The following GALNT11 variants were observed in gnomAD, a reference collection of about 807,000 sequenced individuals.
GALNT11 encodes polypeptide N-acetylgalactosaminyltransferase 11, also known as UDP-GalNAc:polypeptide N-acetylgalactosaminyltransferase 11.
Under a neutral mutation model 72.7 loss-of-function variants are expected in GALNT11, and 47 were observed. That is an observed-to-expected ratio of 0.65 (90% confidence interval 0.51 to 0.82). GALNT11 has a LOEUF of 0.82. Ranked by LOEUF, GALNT11 falls within the 40% of genes least tolerant of loss-of-function variation. The probability of loss-of-function intolerance (pLI) is 0.00; values close to 1 mark genes in which losing one functional copy is unlikely to be tolerated. For missense variants in GALNT11, 677 were observed against 778.4 expected (o/e 0.87, Z 1.55); for synonymous variants, 270 against 286.6 (o/e 0.94, Z 0.58).
intron 1 of GALNT11, among the ~76,000 whole-genome samples, chr7:152,087,701 AAAAC>A (rs1587267250): frequency 6.6e-6 from 1 of 152,268 alleles, no homozygotes; most frequent in Non-Finnish European, 1.5e-5. Context: ...ATTAAACAAG[AAAAC>A]AAACAGCAAA....
chr7:152,098,178 A>G (rs1482361001), intron 2 of GALNT11, among the ~76,000 whole-genome samples: 1 of 152,154 alleles, frequency 6.6e-6, no homozygotes, highest in African/African-American at 2.4e-5. Context: ...TTGGCCAGGC[A>G]TGGTGGCTCA....
intron 1 of GALNT11, among the ~76,000 whole-genome samples, chr7:152,031,562 C>T (rs2082305590): frequency 1.3e-5 from 2 of 152,192 alleles, no homozygotes; most frequent in Admixed American, 1.3e-4. Context: ...TAGCCTCTGA[C>T]ACTAGGATGG....
chr7:152,108,330 C>G (rs779214269), intron 6 of GALNT11, 43 bp downstream of exon 6: 1 of 1,568,118 alleles, frequency 6.4e-7, no homozygotes, highest in East Asian at 2.3e-5. Flanking sequence ...CCAGTGCTTC[C>G]TTAAAAGAGA....
intron 1 of GALNT11, among the ~76,000 whole-genome samples, chr7:152,062,961 A>G (rs977021447): frequency 2.6e-5 from 4 of 152,314 alleles, no homozygotes; most frequent in Middle Eastern, 3.4e-3. Context: ...CTTTGGTATC[A>G]GGATGATGCT....
intron 1 of GALNT11, among the ~76,000 whole-genome samples, chr7:152,067,015 A>G (rs1413948418): frequency 6.6e-6 from 1 of 152,186 alleles, no homozygotes; most frequent in Non-Finnish European, 1.5e-5. Context: ...CAACCCTTCA[A>G]TTTGTAAAAC....
intron 1 of GALNT11, among the ~76,000 whole-genome samples, chr7:152,092,977 C>A (rs891678983): frequency 3.3e-5 from 5 of 152,102 alleles, no homozygotes; most frequent in African/African-American, 1.2e-4. Flanking sequence ...GCCTGTAATC[C>A]CAGCACTTTG....
At chr7:152,041,834 G>A (rs34193735) in intron 1 of GALNT11, among the ~76,000 whole-genome samples, 20 of 152,272 alleles carry the variant, frequency 1.3e-4, no homozygotes, top group East Asian at 3.9e-4. Flanking sequence ...TGATCCCTAC[G>A]TATGGCTACT....
At chr7:152,070,438 T>G (rs2084569459) in intron 1 of GALNT11, among the ~76,000 whole-genome samples, 1 of 152,178 alleles carries the variant, frequency 6.6e-6, no homozygotes, top group African/African-American at 2.4e-5. Flanking sequence ...GGGACTAAAC[T>G]CAAGGTGTTG....
chr7:152,091,569 G>T (rs2086043340), intron 1 of GALNT11, among the ~76,000 whole-genome samples: 1 of 152,038 alleles, frequency 6.6e-6, no homozygotes, highest in African/African-American at 2.4e-5. Flanking sequence ...GTAGAGACGG[G>T]GTTTCACCAT....
At chr7:152,032,270 A>G (rs980782140) in intron 1 of GALNT11, among the ~76,000 whole-genome samples, 1 of 152,086 alleles carries the variant, frequency 6.6e-6, no homozygotes, top group Non-Finnish European at 1.5e-5. Flanking sequence ...GACGGTCCAT[A>G]TAAGTTGGGA....
intron 9 of GALNT11, 25 bp from the exon 10 acceptor site, chr7:152,118,653 T>G (rs774861577): frequency 3.1e-6 from 5 of 1,601,906 alleles, no homozygotes; most frequent in Non-Finnish European, 4.3e-6. Context: ...GTTTCCCACA[T>G]TCTGAGCTGT....
rs535131458 is a variant in GALNT11, at chr7:152,094,158, A to G, written c.-38-32A>G. 1 of 1,494,110 alleles carries G rather than the reference A, an allele frequency of 6.7e-7. No homozygotes were observed. Among genetic ancestry groups the G allele is most frequent in the South Asian group, 1.3e-5 (1 of 74,640 alleles). 92.6% of individuals were successfully genotyped at this position (1,494,110 alleles called of 1,614,324 possible). A position where few individuals can be genotyped will look rare whatever the true frequency, so the allele number is the denominator to read the frequency against. ...TTGGTGGATGGTTTAAAGTATACTG[A>G]AGTGTCTAACATATTTATTCTTCTT... On this transcript the variant is annotated intron_variant, in intron 1 of 11. Transcript: ENST00000430044. The surrounding 1 kb of genome is among the most constrained non-coding windows in gnomAD (Gnocchi z 4.3).
intron 1 of GALNT11, among the ~76,000 whole-genome samples, chr7:152,035,555 C>T (rs545250238): frequency 6.6e-6 from 1 of 152,270 alleles, no homozygotes; most frequent in Non-Finnish European, 1.5e-5. Flanking sequence ...TCTCTGTCGA[C>T]CCTCGGCTCA....
At chr7:152,050,183 T>A (rs959574551) in intron 1 of GALNT11, among the ~76,000 whole-genome samples, 3 of 152,022 alleles carry the variant, frequency 2.0e-5, no homozygotes, top group African/African-American at 7.2e-5. Flanking sequence ...CAGAAGTCCC[T>A]TTCTGTAGCC....
chr7:152,033,102 G>A (rs1195762646), intron 1 of GALNT11, among the ~76,000 whole-genome samples: 2 of 152,200 alleles, frequency 1.3e-5, no homozygotes, highest in Non-Finnish European at 2.9e-5. Flanking sequence ...GCTTGCCCGA[G>A]GCACCCTCAA....
intron 1 of GALNT11, among the ~76,000 whole-genome samples, chr7:152,078,345 G>A (rs1009369213): frequency 4.5e-4 from 68 of 152,244 alleles, no homozygotes; most frequent in African/African-American, 1.6e-3. Flanking sequence ...GGGATTACAG[G>A]CGTATGCCAC....
intron 1 of GALNT11, among the ~76,000 whole-genome samples, chr7:152,080,180 T>C (rs2085236692): frequency 6.6e-6 from 1 of 152,238 alleles, no homozygotes; most frequent in South Asian, 2.1e-4. Flanking sequence ...TTCTCATATT[T>C]TTGACAAATT....
At chr7:152,063,258 G>T (rs1233850046) in intron 1 of GALNT11, among the ~76,000 whole-genome samples, 1 of 152,170 alleles carries the variant, frequency 6.6e-6, no homozygotes, top group African/African-American at 2.4e-5. Flanking sequence ...GTGTAGAGGT[G>T]TTTATAGTAT....
At chr7:152,051,926 AT>A (rs918676331) in intron 1 of GALNT11, among the ~76,000 whole-genome samples, 1 of 152,142 alleles carries the variant, frequency 6.6e-6, no homozygotes, top group African/African-American at 2.4e-5. Flanking sequence ...CATTTTAACT[AT>A]TTTTAACTGT....
Sources: allele counts gnomAD v4.1 joint callset (sites outside exome capture counted in the v4.1 genomes callset), GRCh38; gene constraint gnomAD v4.1.1; non-coding constraint Gnocchi (gnomAD v3.1); transcripts MANE v1.5; gene names NCBI Gene and HGNC (gene_info 2026-07-23, HGNC 2026-07-21).